Variants in ARHGAP35 observed in about 807,000 individuals in gnomAD.
ARHGAP35 encodes rho GTPase-activating protein 35.
Under a neutral mutation model 111.1 loss-of-function variants are expected in ARHGAP35, and 15 were observed. That is an observed-to-expected ratio of 0.13 (90% confidence interval 0.09 to 0.21). The LOEUF is 0.21. Among genes scored for constraint, ARHGAP35 ranks in the 10% least tolerant of loss-of-function variants. The pLI, the probability that ARHGAP35 is intolerant of heterozygous loss-of-function variation, is 1.00. For synonymous variants in ARHGAP35, 643 were observed against 710.3 expected, an observed-to-expected ratio of 0.91 and a Z score of 1.51; for missense variants, 1,262 against 1,873.0, an observed-to-expected ratio of 0.67 and a Z score of 6.02.
chr19:46,955,626 C>T (rs1426203007), intron 3 of ARHGAP35, among the ~76,000 whole-genome samples: 1 of 152,166 alleles, frequency 6.6e-6, no homozygotes, highest in Non-Finnish European at 1.5e-5. Flanking sequence ...TTCTTTCCAT[C>T]ACCCGGGCTG....
At chr19:46,879,098 A>C (rs756843850) in intron 1 of ARHGAP35, among the ~76,000 whole-genome samples, 10 of 152,200 alleles carry the variant, frequency 6.6e-5, no homozygotes, top group Non-Finnish European at 1.3e-4. Context: ...TAATACTCTG[A>C]ATCCTTTGTT....
intron 5 of ARHGAP35, among the ~76,000 whole-genome samples, chr19:46,991,965 C>A (rs906575862): frequency 6.6e-6 from 1 of 152,220 alleles, no homozygotes; most frequent in Non-Finnish European, 1.5e-5. Context: ...AGGTCACTAG[C>A]AAATGGTTTT....
chr19:46,931,734 G>C (rs1448088660), intron 2 of ARHGAP35, among the ~76,000 whole-genome samples: 1 of 152,176 alleles, frequency 6.6e-6, no homozygotes, highest in African/African-American at 2.4e-5. Context: ...GTGTATGGCA[G>C]TGGCATTTCT....
chr19:46,998,424 G>C (rs760712371), intron 5 of ARHGAP35, among the ~76,000 whole-genome samples: 1 of 152,186 alleles, frequency 6.6e-6, no homozygotes, highest in Non-Finnish European at 1.5e-5. Context: ...GTCTTAGCCA[G>C]CTGGGCTCCA....
Position 47,000,520 on chromosome 19 carries a change from C to T in ARHGAP35, c.4332C>T (p.Pro1444=), listed in dbSNP as rs2056740417. Residue 1444 remains proline (P), a synonymous_variant, in exon 7 of 7, where the codon CCC becomes CCT. Transcript: ENST00000672722. This position sits in a 1 kb window ranked among gnomAD's most constrained non-coding sequence, Gnocchi z 6.9. ...FFFYNRPITE[P]PGARPSSPSA... Reference sequence around the variant, plus strand: ...TCTACAATCGGCCCATCACCGAGCCCCCCGGCGCCAGGCCCAGCTCCCCCT... The same window carrying T: ...TCTACAATCGGCCCATCACCGAGCCTCCCGGCGCCAGGCCCAGCTCCCCCT... 1.9e-6 allele frequency: 3 copies of T among 1,613,604 alleles called. No individual in the cohort carries two copies. In the East Asian group the frequency reaches 6.7e-5, roughly 36 times the overall value.
rs1387859203 is a variant in ARHGAP35, at chr19:46,989,346, A to G, written c.3905-198A>G. 5.0e-6 allele frequency: 3 copies of G among 595,568 alleles called. No individual in the cohort carries two copies. The allele number at this position is 595,568 out of a possible 1,614,324, so 36.9% of individuals were successfully genotyped here. ...AAGGGGCAGTTCAGCAGTCTCGGAA[A>G]GAGGTGCTGGGGCCAGCCCATGCCT... On this transcript the variant is annotated intron_variant, in intron 4 of 6. Transcript: ENST00000672722. The surrounding 1 kb of genome is among the most constrained non-coding windows in gnomAD (Gnocchi z 5.3).
At position 46,918,310 on chromosome 19, in the gene ARHGAP35, G is replaced by A. The variant is rs916818805; in HGVS notation, c.-188-178G>A. ...CTGGACTAGATTGTACCTCTCTGGG[G>A]ACACATAGATGTGAGTCTTACTTGC... is the stretch of plus-strand genomic sequence containing the variant. On this transcript the variant is annotated intron_variant, in intron 1 of 6. Coordinates refer to ENST00000672722, the MANE Select transcript of ARHGAP35 (RefSeq NM_004491.5). This position sits in a 1 kb window ranked among gnomAD's most constrained non-coding sequence, Gnocchi z 5.4. 5.3e-5 allele frequency among the ~76,000 whole-genome samples: 8 copies of A among 152,116 alleles called. No homozygotes were observed. Among genetic ancestry groups the A allele is most frequent in the Non-Finnish European group, 1.0e-4 (7 of 68,034 alleles).
At position 46,920,254 on chromosome 19, in the gene ARHGAP35, G is replaced by A; in HGVS notation, c.1579G>A (p.Glu527Lys). ...TGTTATTCAGGATGTTCTGGGAGAG[G>A]AACAGCGATTTAAAGCATTACAAAA... ...MGVIQDVLGEEQRFKALQKLQ... is the reference protein window; with the variant it reads ...MGVIQDVLGEKQRFKALQKLQ... The change falls in exon 2 of 7, where the codon GAA (glutamate) becomes AAA (lysine). Residue 527 changes from glutamate to lysine, a missense_variant. By Grantham distance (56) the Glu-to-Lys change is moderately conservative (BLOSUM62 1). This residue lies in a region of ARHGAP35 where 328 missense variants were observed against 440.8 expected (regional missense o/e 0.74). Coordinates refer to ENST00000672722, the MANE Select transcript of ARHGAP35 (RefSeq NM_004491.5). The surrounding 1 kb of genome is among the most constrained non-coding windows in gnomAD (Gnocchi z 7.0). 1.9e-6 allele frequency: 3 copies of A among 1,613,976 alleles called. No individual in the cohort carries two copies. The highest frequency in any genetic ancestry group is 2.5e-6 in the Non-Finnish European group (3 of 1,179,894).
At chr19:46,861,396 C>G (rs1378306875) in intron 1 of ARHGAP35, among the ~76,000 whole-genome samples, 187 bp downstream of exon 1, 2 of 149,782 alleles carry the variant, frequency 1.3e-5, no homozygotes, top group Non-Finnish European at 3.0e-5. Flanking sequence ...GCGCGTCGGC[C>G]CGGCCCGTGG....
At chr19:46,895,863 G>A (rs2056052422) in intron 1 of ARHGAP35, among the ~76,000 whole-genome samples, 1 of 152,206 alleles carries the variant, frequency 6.6e-6, no homozygotes, top group Non-Finnish European at 1.5e-5. Context: ...AGCACTTTGG[G>A]AGGCTGAGGC....
At chr19:46,883,500 T>C (rs1157807492) in intron 1 of ARHGAP35, among the ~76,000 whole-genome samples, 1 of 152,200 alleles carries the variant, frequency 6.6e-6, no homozygotes, top group Non-Finnish European at 1.5e-5. Flanking sequence ...CCGTCTTATA[T>C]TGGTGCAGTT....
Position 46,979,456 on chromosome 19 carries a change from C to T in ARHGAP35, c.3827-8533C>T, listed in dbSNP as rs553930777. Among the ~76,000 whole-genome samples the T allele has an allele frequency of 2.6e-5, 4 of 152,284 alleles. No individual in the cohort carries two copies. In the East Asian group the frequency reaches 5.8e-4, roughly 22 times the overall value. On this transcript the variant is annotated intron_variant, in intron 3 of 6. Coordinates refer to ENST00000672722, the MANE Select transcript of ARHGAP35 (RefSeq NM_004491.5). The stretch of plus-strand genomic sequence containing the variant: ...AGGCTGGCCTCAAGTTCTTTGCCAG[C>T]GTGGTTTCTTAAGCCCAGCTGTTGG...
At chr19:46,952,124 T>C (rs368046186) in intron 3 of ARHGAP35, among the ~76,000 whole-genome samples, 1 of 152,334 alleles carries the variant, frequency 6.6e-6, no homozygotes, top group African/African-American at 2.4e-5. Flanking sequence ...GATATCCTAA[T>C]CATCCTGATT....
At chr19:46,970,528 C>A (rs1052949524) in intron 3 of ARHGAP35, among the ~76,000 whole-genome samples, 4 of 152,122 alleles carry the variant, frequency 2.6e-5, no homozygotes, top group African/African-American at 2.4e-5. Flanking sequence ...GCACACACAC[C>A]CAGGTGTACA....
chr19:46,958,340 G>A (rs2056453838), intron 3 of ARHGAP35, among the ~76,000 whole-genome samples: 1 of 147,002 alleles, frequency 6.8e-6, no homozygotes, highest in Non-Finnish European at 1.5e-5. Flanking sequence ...AGCCGAGATC[G>A]CACCACTGCA....
rs1339222356 is a variant in ARHGAP35 at position 46,999,022 on chromosome 19, T to C, written c.4037-282T>C. The C allele has an allele frequency of 5.1e-6, 2 of 390,932 alleles. No homozygotes were observed. The highest frequency in any genetic ancestry group is 4.1e-5 in the African/African-American group (2 of 49,190). 24.2% of individuals were successfully genotyped at this position (390,932 alleles called of 1,614,324 possible). A position where few individuals can be genotyped will look rare whatever the true frequency, so the allele number is the denominator to read the frequency against. ...AAGAATGGTGTTCTTTATGGCGGAG[T>C]GTCTCCAGATTGTTCTGTCTTGGGT... On this transcript the variant is annotated intron_variant, in intron 5 of 6. Coordinates refer to ENST00000672722, the MANE Select transcript of ARHGAP35 (RefSeq NM_004491.5). This position sits in a 1 kb window ranked among gnomAD's most constrained non-coding sequence, Gnocchi z 5.4.
chr19:46,871,677 A>C (rs145149098), intron 1 of ARHGAP35, among the ~76,000 whole-genome samples: 10 of 151,820 alleles, frequency 6.6e-5, no homozygotes, highest in Non-Finnish European at 1.3e-4. Flanking sequence ...TCCTTGATCT[A>C]CTTATAAGAA....
chr19:46,883,314 C>T (rs1041961416), intron 1 of ARHGAP35, among the ~76,000 whole-genome samples: 4 of 151,206 alleles, frequency 2.6e-5, no homozygotes, highest in South Asian at 4.2e-4. Flanking sequence ...TGGCCAGGCT[C>T]GTCTCGAACT....
intron 1 of ARHGAP35, among the ~76,000 whole-genome samples, chr19:46,898,240 C>CAAA (rs745892205): frequency 6.0e-5 from 4 of 66,442 alleles, no homozygotes; most frequent in East Asian, 4.4e-4. Flanking sequence ...GACTCCGTCT[C>CAAA]AAAAAAAAAA....
Sources: allele counts gnomAD v4.1 joint callset (sites outside exome capture counted in the v4.1 genomes callset), GRCh38; gene constraint gnomAD v4.1.1; regional missense constraint gnomAD v4.1.1; non-coding constraint Gnocchi (gnomAD v3.1); transcripts MANE v1.5; gene names NCBI Gene and HGNC (gene_info 2026-07-23, HGNC 2026-07-21).